The following MAP3K3 variants were observed in gnomAD, a reference collection of about 807,000 sequenced individuals.
The protein encoded by MAP3K3 is MAP/ERK kinase kinase 3.
In MAP3K3, 12 loss-of-function variants were observed where a neutral mutation model predicts 80.9. The ratio of observed to expected loss-of-function variants is 0.15; its 90% CI spans 0.10 to 0.24. The LOEUF (loss-of-function observed/expected upper bound fraction) is 0.24, where lower values mean the gene tolerates loss of function less well. Ranked by LOEUF, MAP3K3 falls within the 10% of genes least tolerant of loss-of-function variation. MAP3K3 has a pLI of 1.00. For missense variants in MAP3K3, 596 were observed against 834.7 expected (o/e 0.71, Z 3.52); for synonymous variants, 272 against 307.1 (o/e 0.89, Z 1.19).
At chr17:63,624,403 T>A (rs978750558) in intron 1 of MAP3K3, among the ~76,000 whole-genome samples, 1 of 152,212 alleles carries the variant, frequency 6.6e-6, no homozygotes, top group African/African-American at 2.4e-5. Flanking sequence ...CTTCCTACTT[T>A]GTTGACTGCT....
At chr17:63,643,285 G>A in intron 2 of MAP3K3, among the ~76,000 whole-genome samples, 1 of 151,902 alleles carries the variant, frequency 6.6e-6, no homozygotes, top group East Asian at 1.9e-4. Context: ...TGGACAGATT[G>A]CTTGAGCCCA....
chr17:63,650,327 T>G (rs781559314), intron 3 of MAP3K3, among the ~76,000 whole-genome samples: 1 of 152,108 alleles, frequency 6.6e-6, no homozygotes, highest in Non-Finnish European at 1.5e-5. Flanking sequence ...TGAGACAGAG[T>G]CTCTTGCTCT....
intron 5 of MAP3K3, among the ~76,000 whole-genome samples, chr17:63,665,043 C>T (rs545185203): frequency 2.0e-5 from 3 of 152,222 alleles, no homozygotes; most frequent in East Asian, 2.0e-4. Flanking sequence ...TCGCTCACCC[C>T]TGTAATCCCA....
At position 63,681,777 on chromosome 17, in the gene MAP3K3, C is replaced by T; in HGVS notation, c.514C>T (p.Pro172Ser). The stretch of plus-strand genomic sequence containing the variant: ...TTTATGTGCTCTAGGCTCCCAGAAC[C>T]CTGGCCGAAGCTCACCTCCCCCTGG... ...SRHLSVSSQN[P>S]GRSSPPPGYV... Residue 172 changes from proline (P) to serine (S), a missense_variant, in exon 7 of 16, where the codon CCT (proline) becomes TCT (serine). This residue lies in a region of MAP3K3 where 232 missense variants were observed against 245.8 expected (regional missense o/e 0.94). Coordinates refer to ENST00000361733, the MANE Select transcript of MAP3K3 (RefSeq NM_002401.5). The T allele has an allele frequency of 6.6e-7, 1 of 1,511,298 alleles. No homozygotes were observed. The highest frequency in any genetic ancestry group is 1.8e-4 in the Middle Eastern group (1 of 5,638). 93.6% of individuals were successfully genotyped at this position (1,511,298 alleles called of 1,614,324 possible). A position where few individuals can be genotyped will look rare whatever the true frequency, so the allele number is the denominator to read the frequency against.
chr17:63,681,936 T>C, intron 7 of MAP3K3, 37 bp downstream of exon 7: 1 of 1,334,320 alleles, frequency 7.5e-7, no homozygotes, highest in Non-Finnish European at 9.7e-7. Flanking sequence ...CTGTGGCCTG[T>C]ATCAGCAGAC....
At chr17:63,658,469 T>A (rs1170156239) in intron 5 of MAP3K3, among the ~76,000 whole-genome samples, 5 of 152,196 alleles carry the variant, frequency 3.3e-5, no homozygotes, top group African/African-American at 1.2e-4. Context: ...TTATCCCTTA[T>A]GCACAGTTTC....
chr17:63,650,684 GAGAGAGAGAGAGTTTTTTTTTTTTTT>G (rs1568131704), intron 3 of MAP3K3, among the ~76,000 whole-genome samples: 1 of 148,108 alleles, frequency 6.8e-6, no homozygotes, highest in East Asian at 2.0e-4. Flanking sequence ...GAGAGAGAGA[GAGAGAGAGAGAGTTTTTTTTTTTTTT>G]AGACAGGGTC....
chr17:63,688,667 T>C, intron 9 of MAP3K3, 73 bp downstream of exon 9: 2 of 1,492,794 alleles, frequency 1.3e-6, no homozygotes, highest in Non-Finnish European at 1.9e-6. Flanking sequence ...GCTTCGACTT[T>C]TCTGAGTCAG....
chr17:63,656,557 A>G (rs949300770), intron 4 of MAP3K3, among the ~76,000 whole-genome samples: 6 of 151,922 alleles, frequency 3.9e-5, no homozygotes, highest in African/African-American at 1.5e-4. Context: ...GCAAGTTGTG[A>G]TTGTGCCACT....
At position 63,689,862 on chromosome 17, in the gene MAP3K3, T is replaced by C. The variant is rs1156662490; in HGVS notation, c.1063+127T>C. On this transcript the variant is annotated intron_variant, in intron 11 of 15. Coordinates refer to ENST00000361733, the MANE Select transcript of MAP3K3 (RefSeq NM_002401.5). The surrounding 1 kb of genome is among the most constrained non-coding windows in gnomAD (Gnocchi z 4.3). Reference sequence around the variant, plus strand: ...GTGGCTTTGGCCCAAATGCACCACATGGGATAAGCCTTGGAGTGTCTGAAG... The same window carrying C: ...GTGGCTTTGGCCCAAATGCACCACACGGGATAAGCCTTGGAGTGTCTGAAG... 3.6e-6 allele frequency: 3 copies of C among 839,376 alleles called. No individual in the cohort carries two copies. The allele number at this position is 839,376 out of a possible 1,614,324, so 52.0% of individuals were successfully genotyped here. A position where few individuals can be genotyped will look rare whatever the true frequency, so the allele number is the denominator to read the frequency against.
intron 2 of MAP3K3, among the ~76,000 whole-genome samples, chr17:63,641,430 A>G (rs1359618684): frequency 6.6e-6 from 1 of 151,968 alleles, no homozygotes; most frequent in African/African-American, 2.4e-5. Context: ...TTTAGTAGAG[A>G]CGGGGTTTCA....
intron 4 of MAP3K3, among the ~76,000 whole-genome samples, chr17:63,653,978 C>T (rs1228042109): frequency 1.3e-5 from 2 of 152,128 alleles, no homozygotes; most frequent in African/African-American, 2.4e-5. Context: ...GCGATTCCCC[C>T]ACCTCAGCCA....
intron 8 of MAP3K3, 93 bp from the exon 9 acceptor site, chr17:63,688,434 G>C (rs1037770841): frequency 1.0e-6 from 1 of 965,622 alleles, no homozygotes; most frequent in African/African-American, 1.6e-5. Context: ...ACCTAATGCT[G>C]TGGCAGGGGT....
intron 5 of MAP3K3, among the ~76,000 whole-genome samples, chr17:63,662,677 GGA>G (rs1568138488): frequency 7.7e-6 from 1 of 129,486 alleles, no homozygotes; most frequent in African/African-American, 3.0e-5. Flanking sequence ...TTTTTTTTTG[GGA>G]TGGAGTCTCA....
chr17:63,689,667 G>A lies in MAP3K3; in HGVS notation c.995G>A (p.Arg332His), dbSNP rs372179093. 1.9e-6 allele frequency: 3 copies of A among 1,613,830 alleles called. No homozygotes were observed. The highest frequency in any genetic ancestry group is 2.5e-6 in the Non-Finnish European group (3 of 1,179,950). Residue 332 changes from arginine (R) to histidine (H), a missense_variant, in exon 11 of 16, where the codon CGT becomes CAT. Transcript: ENST00000361733. This position sits in a 1 kb window ranked among gnomAD's most constrained non-coding sequence, Gnocchi z 4.3. ...CTGGCTGTGCAATACCTGGACCCCCGTGGGCGCCTGCGGAGTGCGGACAGC... is the reference window on the plus strand; with the variant it reads ...CTGGCTGTGCAATACCTGGACCCCCATGGGCGCCTGCGGAGTGCGGACAGC... ...MGLAVQYLDP[R>H]GRLRSADSEN... is the part of the protein sequence containing the mutation.
Position 63,655,636 on chromosome 17 carries a change from A to G in MAP3K3, c.268-2158A>G, listed in dbSNP as rs144751971. On this transcript the variant is annotated intron_variant, in intron 4 of 15. Transcript: ENST00000361733. ...TTCCCCAGTAACTGGGACAATAAGC[A>G]CATGCCACCACACTGAGCTAATTAA... Among the ~76,000 whole-genome samples, 115 of 152,148 alleles carry G rather than the reference A, an allele frequency of 7.6e-4. 2 individuals carry two copies. The highest frequency in any genetic ancestry group is 2.7e-3 in the African/African-American group (112 of 41,498).
At position 63,622,779 on chromosome 17, in the gene MAP3K3, G is replaced by A. The variant is rs1205242646; in HGVS notation, c.4+16G>A. 9.7e-6 allele frequency: 5 copies of A among 515,536 alleles called. No homozygotes were observed. Among genetic ancestry groups the A allele is most frequent in the East Asian group, 1.0e-4 (2 of 19,968 alleles). 31.9% of individuals were successfully genotyped at this position (515,536 alleles called of 1,614,324 possible). ...GCCACCATGGGTAAGTGTCGCCACC[G>A]CCCCGGCCTGTGCCCGCGCTGCTTC... On this transcript the variant is annotated intron_variant, in intron 1 of 15. Coordinates refer to ENST00000361733, the MANE Select transcript of MAP3K3 (RefSeq NM_002401.5).
chr17:63,666,275 A>T (rs2034998310), intron 5 of MAP3K3, among the ~76,000 whole-genome samples: 1 of 152,110 alleles, frequency 6.6e-6, no homozygotes, highest in South Asian at 2.1e-4. Context: ...TAAACCCTGG[A>T]ATCTTCTTAA....
intron 5 of MAP3K3, among the ~76,000 whole-genome samples, chr17:63,664,446 C>G (rs1364621064): frequency 6.6e-6 from 1 of 152,118 alleles, no homozygotes; most frequent in Non-Finnish European, 1.5e-5. Context: ...TCTTACCTTA[C>G]ATTCCCATGT....
Sources: allele counts gnomAD v4.1 joint callset (sites outside exome capture counted in the v4.1 genomes callset), GRCh38; gene constraint gnomAD v4.1.1; regional missense constraint gnomAD v4.1.1; non-coding constraint Gnocchi (gnomAD v3.1); transcripts MANE v1.5; gene names NCBI Gene and HGNC (gene_info 2026-07-23, HGNC 2026-07-21).